Variants in PFKFB4 observed in about 807,000 individuals in gnomAD.
The protein encoded by PFKFB4 is 6-phosphofructo-2-kinase/fructose-2,6-bisphosphatase 4.
Under a neutral mutation model 62.8 loss-of-function variants are expected in PFKFB4, and 42 were observed. The observed-to-expected ratio is 0.67, with a 90% CI of 0.52 to 0.86. PFKFB4 has a LOEUF of 0.86. Ranked by LOEUF, PFKFB4 falls within the 40% of genes least tolerant of loss-of-function variation. The pLI, the probability that PFKFB4 is intolerant of heterozygous loss-of-function variation, is 0.00. For missense variants in PFKFB4, 475 were observed against 627.2 expected, an observed-to-expected ratio of 0.76 and a Z score of 2.59; for synonymous variants, 204 against 240.7, an observed-to-expected ratio of 0.85 and a Z score of 1.41.
chr3:48,560,903 T>G (rs1206932910), upstream of PFKFB4: 1 of 138,756 alleles, frequency 7.2e-6, no homozygotes, highest in Non-Finnish European at 1.3e-5. Context: ...GTTTTCCCCC[T>G]CCTTCGGGCC....
At chr3:48,552,270 A>G (rs1432755041) in intron 1 of PFKFB4, among the ~76,000 whole-genome samples, 1 of 152,244 alleles carries the variant, frequency 6.6e-6, no homozygotes, top group Non-Finnish European at 1.5e-5. Flanking sequence ...AGCTAAAGCC[A>G]TAGGTGTACC....
At chr3:48,546,018 C>T (rs910189904) in intron 3 of PFKFB4, among the ~76,000 whole-genome samples, 128 of 150,700 alleles carry the variant, frequency 8.5e-4, no homozygotes, top group East Asian at 5.6e-3. Context: ...TGTGTGTGTG[C>T]GTGTGTGTGT....
chr3:48,559,895 CCACCACACACA>C, upstream of PFKFB4: 1 of 303,534 alleles, frequency 3.3e-6, no homozygotes, highest in Non-Finnish European at 6.4e-6. Flanking sequence ...CCAAACCATC[CCACCACACACA>C]CACACACACA....
intron 1 of PFKFB4, among the ~76,000 whole-genome samples, chr3:48,551,692 A>C (rs923240531): frequency 1.4e-5 from 2 of 145,600 alleles, no homozygotes; most frequent in African/African-American, 2.6e-5. Context: ...TTACAAGCAC[A>C]TGCCACCACA....
chr3:48,552,089 C>G (rs1167986633), intron 1 of PFKFB4, among the ~76,000 whole-genome samples: 2 of 152,202 alleles, frequency 1.3e-5, no homozygotes, highest in Non-Finnish European at 2.9e-5. Context: ...CGCAGGGGAT[C>G]AGGAGTCAGG....
chr3:48,526,570 C>G (rs992687770), intron 9 of PFKFB4, among the ~76,000 whole-genome samples: 1 of 139,172 alleles, frequency 7.2e-6, no homozygotes, highest in Admixed American at 7.1e-5. Flanking sequence ...GAGACTCTGT[C>G]TCAAAAAAAA....
intron 1 of PFKFB4, among the ~76,000 whole-genome samples, chr3:48,550,491 T>G (rs2043107482): frequency 6.6e-6 from 1 of 152,182 alleles, no homozygotes; most frequent in Admixed American, 6.5e-5. Flanking sequence ...TTCATCCTGA[T>G]GTGCACCACC....
chr3:48,552,021 A>G (rs948294840), intron 1 of PFKFB4, among the ~76,000 whole-genome samples: 3 of 152,182 alleles, frequency 2.0e-5, no homozygotes, highest in Admixed American at 6.5e-5. Flanking sequence ...TTGCCTAGAC[A>G]GACTGTCCCC....
intron 13 of PFKFB4, among the ~76,000 whole-genome samples, 183 bp from the exon 14 acceptor site, chr3:48,519,989 G>A (rs992553024): frequency 1.3e-4 from 20 of 152,160 alleles, no homozygotes; most frequent in Admixed American, 2.6e-4. Context: ...GCCACATAGC[G>A]GGTGGATGGA....
upstream of PFKFB4, chr3:48,562,734 C>G (rs563118286): frequency 4.7e-6 from 7 of 1,477,566 alleles, no homozygotes; most frequent in East Asian, 1.7e-4. This position sits in a 1 kb window ranked among gnomAD's most constrained non-coding sequence, Gnocchi z 4.3. Flanking sequence ...TGGCTGCCCT[C>G]CAGGTCTTCC....
At chr3:48,524,719 T>C (rs2042202924) in intron 10 of PFKFB4, among the ~76,000 whole-genome samples, 1 of 152,174 alleles carries the variant, frequency 6.6e-6, no homozygotes, top group African/African-American at 2.4e-5. Flanking sequence ...TGTAGAGACC[T>C]GTCAGCCTGG....
intron 13 of PFKFB4, among the ~76,000 whole-genome samples, chr3:48,520,007 A>G (rs2042047308): frequency 6.6e-6 from 1 of 152,218 alleles, no homozygotes; most frequent in African/African-American, 2.4e-5. Context: ...GGACAATAGA[A>G]CAAAGGTGCG....
rs1278286403 is a variant in PFKFB4 at position 48,523,400 on chromosome 3, T to C, written c.1285+137A>G. The C allele has an allele frequency of 2.1e-5, 17 of 821,656 alleles. No homozygotes were observed. The East Asian group carries it at 3.7e-4, about 18-fold the overall frequency. 50.9% of individuals were successfully genotyped at this position (821,656 alleles called of 1,614,324 possible). On this transcript the variant is annotated intron_variant, in intron 12 of 13. Transcript: ENST00000232375. ...CTCCGTCTCAAAGAAAAAAAGCAAATTGGGAAAGGTGGTGGGGTAGTAGGT... is the reference window on the plus strand; with the variant it reads ...CTCCGTCTCAAAGAAAAAAAGCAAACTGGGAAAGGTGGTGGGGTAGTAGGT...
chr3:48,554,843 C>T (rs894906290), intron 1 of PFKFB4, among the ~76,000 whole-genome samples: 2 of 152,030 alleles, frequency 1.3e-5, no homozygotes, highest in Non-Finnish European at 2.9e-5. Context: ...TTAGAGATAA[C>T]GAATTCAAGA....
In PFKFB4 at chr3:48,556,259, C is replaced by A. The variant is rs1280524562; in HGVS notation, c.97+422G>T. On this transcript the variant is annotated intron_variant, in intron 1 of 13. Transcript: ENST00000232375. This position sits in a 1 kb window ranked among gnomAD's most constrained non-coding sequence, Gnocchi z 5.7. ...CTGGGCTCAGAGAGGCCAAGTAATTCACCTAGGGCCACACAGCTCAGTTCC... is the reference window on the plus strand; with the variant it reads ...CTGGGCTCAGAGAGGCCAAGTAATTAACCTAGGGCCACACAGCTCAGTTCC... 1 of 475,242 alleles carries A rather than the reference C, an allele frequency of 2.1e-6. No individual in the cohort carries two copies. The allele number at this position is 475,242 out of a possible 1,614,324, so 29.4% of individuals were successfully genotyped here.
At position 48,522,830 on chromosome 3, in the gene PFKFB4, G is replaced by A. The variant is rs1277189486; in HGVS notation, c.1285+707C>T. ...GGCTGGAGTGCAGTGGTGCGATCTC[G>A]GCTCACTGCAAGTTCCGCCTCCCGG... On this transcript the variant is annotated intron_variant, in intron 12 of 13. Transcript: ENST00000232375. 2.0e-5 allele frequency among the ~76,000 whole-genome samples: 3 copies of A among 151,114 alleles called. No individual in the cohort carries two copies. The South Asian group carries it at 6.3e-4, about 32-fold the overall frequency.
At chr3:48,527,821 G>C (rs1321075581) in intron 9 of PFKFB4, among the ~76,000 whole-genome samples, 1 of 151,694 alleles carries the variant, frequency 6.6e-6, no homozygotes, top group Non-Finnish European at 1.5e-5. Flanking sequence ...CTGAGTAGCT[G>C]GGATTACAGG....
intron 1 of PFKFB4, among the ~76,000 whole-genome samples, chr3:48,552,080 G>A (rs1052489304): frequency 6.6e-6 from 1 of 152,178 alleles, no homozygotes; most frequent in African/African-American, 2.4e-5. Context: ...AAGCACTTCC[G>A]CAGGGGATCA....
At chr3:48,540,025 G>T (rs142621542) in intron 4 of PFKFB4, among the ~76,000 whole-genome samples, 6 of 152,324 alleles carry the variant, frequency 3.9e-5, no homozygotes, top group African/African-American at 1.4e-4. Flanking sequence ...TCCCAGCAGG[G>T]GAGCAGACCC....
Sources: allele counts gnomAD v4.1 joint callset (sites outside exome capture counted in the v4.1 genomes callset), GRCh38; gene constraint gnomAD v4.1.1; non-coding constraint Gnocchi (gnomAD v3.1); transcripts MANE v1.5; gene names NCBI Gene and HGNC (gene_info 2026-07-23, HGNC 2026-07-21).